The following RASAL2 variants were observed in gnomAD, a reference collection of about 807,000 sequenced individuals.
RASAL2 encodes the protein ras GTPase-activating protein nGAP.
Under a neutral mutation model 128.9 loss-of-function variants are expected in RASAL2, and 58 were observed. The observed-to-expected ratio is 0.45, with a 90% CI of 0.36 to 0.56. RASAL2 has a LOEUF of 0.56. RASAL2 is among the 20% of genes least tolerant of loss of function. RASAL2 has a pLI of 0.00. For missense variants in RASAL2, 1,360 were observed against 1,601.6 expected (o/e 0.85, Z 2.57); for synonymous variants, 561 against 580.8 (o/e 0.97, Z 0.49).
chr1:178,390,186 A>C lies in RASAL2; in HGVS notation c.544A>C (p.Thr182Pro), dbSNP rs773557078. 2 of 1,609,282 alleles carry C rather than the reference A, an allele frequency of 1.2e-6. No individual in the cohort carries two copies. Among genetic ancestry groups the C allele is most frequent in the East Asian group, 2.2e-5 (1 of 44,722 alleles). The change falls in exon 4 of 18, where the codon ACC becomes CCC. Residue 182 changes from threonine (T) to proline (P), a missense_variant. Physicochemically the swap from Thr to Pro is conservative, Grantham distance 38 (BLOSUM62 -1). Coordinates refer to ENST00000367649, the MANE Select transcript of RASAL2 (RefSeq NM_170692.4). ...ACCCAACTCCATGGACACTGCAAATACCTCACCCTTCAAAGTACCAGTAAG... is the reference window on the plus strand; with the variant it reads ...ACCCAACTCCATGGACACTGCAAATCCCTCACCCTTCAAAGTACCAGTAAG... ...EKPNSMDTAN[T>P]SPFKVPGFFS...
chr1:178,390,831 C>T (rs989784608), intron 4 of RASAL2, among the ~76,000 whole-genome samples: 2 of 151,446 alleles, frequency 1.3e-5, no homozygotes, highest in African/African-American at 4.9e-5. Flanking sequence ...AAGTTGCTAG[C>T]AAAAACCTAT....
At chr1:178,350,268 G>A (rs1670391365) in intron 3 of RASAL2, among the ~76,000 whole-genome samples, 1 of 152,152 alleles carries the variant, frequency 6.6e-6, no homozygotes, top group Non-Finnish European at 1.5e-5. Flanking sequence ...ACCCAGGCTG[G>A]AGTGTGCAGT....
chr1:178,238,771 A>G (rs1664370745), intron 1 of RASAL2, among the ~76,000 whole-genome samples: 2 of 152,072 alleles, frequency 1.3e-5, no homozygotes, highest in South Asian at 2.1e-4. Context: ...AGAGTTTTCA[A>G]CTGGTAGCTT....
intron 16 of RASAL2, among the ~76,000 whole-genome samples, chr1:178,466,388 C>G (rs1423333724): frequency 6.6e-6 from 1 of 152,130 alleles, no homozygotes; most frequent in Non-Finnish European, 1.5e-5. Context: ...GAGGAGAACT[C>G]GGTTTTAAAA....
intron 1 of RASAL2, among the ~76,000 whole-genome samples, chr1:178,097,770 A>C (rs1658745331): frequency 6.6e-6 from 1 of 152,226 alleles, no homozygotes; most frequent in South Asian, 2.1e-4. Context: ...ATATTTTATT[A>C]GTTTGCCTCA....
At chr1:178,335,124 T>C (rs1014245001) in intron 3 of RASAL2, among the ~76,000 whole-genome samples, 12 of 152,086 alleles carry the variant, frequency 7.9e-5, no homozygotes, top group Admixed American at 6.6e-4. Context: ...AAGTAATAAG[T>C]AGAAGTACCA....
intron 1 of RASAL2, among the ~76,000 whole-genome samples, chr1:178,100,923 G>A (rs1229213231): frequency 6.6e-6 from 1 of 152,196 alleles, no homozygotes; most frequent in East Asian, 1.9e-4. Flanking sequence ...TAACCAGGAG[G>A]AGGAGTTTGA....
At chr1:178,099,234 A>G (rs1658802507) in intron 1 of RASAL2, among the ~76,000 whole-genome samples, 1 of 152,240 alleles carries the variant, frequency 6.6e-6, no homozygotes, top group South Asian at 2.1e-4. Context: ...ACACCTGAGT[A>G]GTCATATTTT....
chr1:178,333,977 C>G (rs749282699), intron 3 of RASAL2, among the ~76,000 whole-genome samples: 1 of 152,124 alleles, frequency 6.6e-6, no homozygotes, highest in Non-Finnish European at 1.5e-5. Context: ...AACAGTAAAT[C>G]AGTCTTTGAA....
At chr1:178,342,048 A>T (rs922854250) in intron 3 of RASAL2, among the ~76,000 whole-genome samples, 1 of 152,236 alleles carries the variant, frequency 6.6e-6, no homozygotes, top group Non-Finnish European at 1.5e-5. Context: ...CTTGAATCTC[A>T]GTAACACATA....
intron 1 of RASAL2, among the ~76,000 whole-genome samples, chr1:178,220,163 G>C (rs984229482): frequency 2.6e-5 from 4 of 152,154 alleles, no homozygotes; most frequent in Non-Finnish European, 4.4e-5. Flanking sequence ...GCCTGTATAG[G>C]CTGCAGATCC....
chr1:178,210,530 G>A (rs922757046), intron 1 of RASAL2, among the ~76,000 whole-genome samples: 1 of 152,104 alleles, frequency 6.6e-6, no homozygotes, highest in Non-Finnish European at 1.5e-5. Context: ...CTCATTTGTT[G>A]GCCAAACCTG....
At chr1:178,365,306 C>T (rs1671339271) in intron 3 of RASAL2, among the ~76,000 whole-genome samples, 1 of 152,050 alleles carries the variant, frequency 6.6e-6, no homozygotes, top group East Asian at 1.9e-4. Context: ...TATATCTCCT[C>T]ACTAAAATAC....
chr1:178,329,924 G>T (rs971096611), intron 3 of RASAL2, among the ~76,000 whole-genome samples: 2 of 152,186 alleles, frequency 1.3e-5, no homozygotes, highest in South Asian at 4.1e-4. Context: ...TGGCAGCTAT[G>T]TAGCTGACTG....
intron 1 of RASAL2, among the ~76,000 whole-genome samples, chr1:178,249,104 A>G (rs1664922004): frequency 6.6e-6 from 1 of 152,058 alleles, no homozygotes; most frequent in African/African-American, 2.4e-5. Context: ...AGGTTGGGGA[A>G]GTTCTCCTGG....
At chr1:178,275,707 G>A (rs1666473974) in intron 1 of RASAL2, among the ~76,000 whole-genome samples, 1 of 152,236 alleles carries the variant, frequency 6.6e-6, no homozygotes. Flanking sequence ...ATGCAGCTGA[G>A]ACTGAGAGGG....
At chr1:178,129,036 T>C (rs985738486) in intron 1 of RASAL2, among the ~76,000 whole-genome samples, 7 of 152,152 alleles carry the variant, frequency 4.6e-5, no homozygotes, top group Non-Finnish European at 8.8e-5. Context: ...ATGTTTTATA[T>C]AGTATGAACA....
chr1:178,177,351 A>C (rs1319389698), intron 1 of RASAL2, among the ~76,000 whole-genome samples: 4 of 152,168 alleles, frequency 2.6e-5, no homozygotes, highest in Non-Finnish European at 5.9e-5. Flanking sequence ...ATCTATGTAT[A>C]TAATTCATTA....
intron 1 of RASAL2, among the ~76,000 whole-genome samples, chr1:178,225,247 TACTTA>T (rs545725837): frequency 1.0e-3 from 156 of 152,058 alleles, no homozygotes; most frequent in Non-Finnish European, 1.6e-3. Flanking sequence ...TATATATTTT[TACTTA>T]ACTTTTCTGC....
Sources: gnomAD v4.1 joint callset for allele counts (sites outside exome capture counted in the v4.1 genomes callset) on GRCh38, gnomAD v4.1.1 for gene constraint, MANE v1.5 for transcripts, NCBI Gene and HGNC (gene_info 2026-07-23, HGNC 2026-07-21) for gene names.